The following XKR5 variants were observed in gnomAD, a reference collection of about 807,000 sequenced individuals.
XKR5 encodes the protein XK related 5.
A neutral mutation model predicts 40.8 loss-of-function variants in XKR5; 46 were observed. That is an observed-to-expected ratio of 1.13 (90% CI 0.89 to 1.44). The LOEUF (loss-of-function observed/expected upper bound fraction) is 1.44. Among genes scored for constraint, XKR5 ranks in the 40% most tolerant of loss-of-function variants. XKR5 has a pLI of 0.00. For synonymous variants in XKR5, 466 were observed against 356.1 expected (o/e 1.31, Z -3.48); for missense variants, 1,169 against 844.7 (o/e 1.38, Z -4.76).
chr8:6,820,795 C>T (rs1470575794), intron 5 of XKR5, among the ~76,000 whole-genome samples: 1 of 152,170 alleles, frequency 6.6e-6, no homozygotes, highest in East Asian at 1.9e-4. Flanking sequence ...GGTCACTGTG[C>T]TATATGGGTC....
chr8:6,835,437 C>G lies in XKR5; in HGVS notation c.57G>C (p.Ala19=), dbSNP rs79981623. 2.0e-6 allele frequency: 3 copies of G among 1,489,114 alleles called. No homozygotes were observed. The highest frequency in any genetic ancestry group is 2.7e-6 in the Non-Finnish European group (3 of 1,126,864). The allele number at this position is 1,489,114 out of a possible 1,614,324, so 92.2% of individuals were successfully genotyped here. A position where few individuals can be genotyped will look rare whatever the true frequency, so the allele number is the denominator to read the frequency against. Residue 19 remains alanine (A), a splice_region_variant and synonymous_variant, in exon 1 of 7, where the codon GCG becomes GCC. Transcript: ENST00000618742. ...ACAGCCTCGGGCTGCCGCACTCACG[C>G]GCGCTCTGCTCGGCCGCCTGCAGCA... ...SALLQAAEQS[A]RLYTVAYYFT...
chr8:6,811,374 G>T lies in XKR5; in HGVS notation c.1885C>A (p.Pro629Thr). 1.3e-6 allele frequency: 2 copies of T among 1,537,342 alleles called. No homozygotes were observed. Among genetic ancestry groups the T allele is most frequent in the African/African-American group, 1.4e-5 (1 of 73,176 alleles). ...CTTAGCTCCCTTTTGGGCTCCAGCGGCTCCTCTAGCTCTGAGATACTGAGG... is the reference window on the plus strand; with the variant it reads ...CTTAGCTCCCTTTTGGGCTCCAGCGTCTCCTCTAGCTCTGAGATACTGAGG... ...RTLSISELEE[P>T]LEPKRELSHH... Residue 629 changes from proline to threonine, a missense_variant, in exon 7 of 7, where the codon CCG becomes ACG. Coordinates refer to ENST00000618742, the MANE Select transcript of XKR5 (RefSeq NM_207411.5).
At chr8:6,822,736 C>T (rs565800091) in intron 4 of XKR5, among the ~76,000 whole-genome samples, 3 of 152,300 alleles carry the variant, frequency 2.0e-5, no homozygotes, top group East Asian at 3.9e-4. Context: ...CACACAGGCC[C>T]TATTCAGGGA....
chr8:6,813,216 G>T (rs527829783), intron 6 of XKR5, among the ~76,000 whole-genome samples: 2 of 152,214 alleles, frequency 1.3e-5, no homozygotes, highest in Non-Finnish European at 2.9e-5. Context: ...TAGTGGCCAG[G>T]CTCCAACCTT....
intron 1 of XKR5, among the ~76,000 whole-genome samples, chr8:6,833,900 T>G (rs1804881451): frequency 6.6e-6 from 1 of 152,236 alleles, no homozygotes; most frequent in Non-Finnish European, 1.5e-5. Context: ...TAGCATCTTG[T>G]GCATCCTCGA....
At chr8:6,821,683 T>G (rs10094139) in intron 5 of XKR5, among the ~76,000 whole-genome samples, 186 bp downstream of exon 5, 1,618 of 152,270 alleles carry the variant, frequency 0.011, 19 homozygotes, top group African/African-American at 0.036. Context: ...GGGTTACTAT[T>G]TTCAAAGCCT....
intron 2 of XKR5, among the ~76,000 whole-genome samples, chr8:6,826,248 G>C (rs28756109): frequency 0.022 from 3,282 of 152,194 alleles, 121 homozygotes; most frequent in African/African-American, 0.073. Flanking sequence ...TAGTGTGTAT[G>C]TTTATATATG....
chr8:6,834,667 AC>A (rs1379567755), intron 1 of XKR5, among the ~76,000 whole-genome samples: 2 of 151,552 alleles, frequency 1.3e-5, no homozygotes, highest in East Asian at 1.9e-4. Flanking sequence ...TTCCCAGGGT[AC>A]CCCCTCTTCC....
In XKR5 at chr8:6,821,874, A is replaced by G. The variant is rs1307756745; in HGVS notation, c.802T>C (p.Tyr268His). The change falls in exon 5 of 7, where the codon TAC becomes CAC. Residue 268 changes from tyrosine to histidine, a missense_variant. Coordinates refer to ENST00000618742, the MANE Select transcript of XKR5 (RefSeq NM_207411.5). Reference sequence around the variant, plus strand: ...TAAAGAAAAGTGCCACTTGCCATGTAGAACGTGACCATCCTATTTCTAGAA... The same window carrying G: ...TAAAGAAAAGTGCCACTTGCCATGTGGAACGTGACCATCCTATTTCTAGAA... ...SPSRNRMVTF[Y>H]MVMLLENIIL... 3.1e-6 allele frequency: 5 copies of G among 1,613,098 alleles called. No individual in the cohort carries two copies. The highest frequency in any genetic ancestry group is 3.4e-6 in the Non-Finnish European group (4 of 1,179,570).
intron 1 of XKR5, 74 bp from the exon 2 acceptor site, chr8:6,832,974 C>G: frequency 1.5e-6 from 2 of 1,311,622 alleles, no homozygotes; most frequent in Non-Finnish European, 2.0e-6. Context: ...TTTTAAACAA[C>G]TGAACATTTT....
At chr8:6,821,782 A>G in intron 5 of XKR5, 87 bp downstream of exon 5, 1 of 1,207,656 alleles carries the variant, frequency 8.3e-7, no homozygotes. Flanking sequence ...ATTGGTGCAC[A>G]CACACACACA....
In XKR5 at chr8:6,823,453, T is replaced by C. The variant is rs930445721; in HGVS notation, c.637+68A>G. On this transcript the variant is annotated intron_variant, in intron 4 of 6. Coordinates refer to ENST00000618742, the MANE Select transcript of XKR5 (RefSeq NM_207411.5). ...GATTGAGGATCATATGTGGTTATTC[T>C]TGAGACCTTCATTTCTGGGTTGATT... The C allele has an allele frequency of 1.2e-5, 18 of 1,496,750 alleles. No individual in the cohort carries two copies. The African/African-American group carries it at 1.4e-4, about 12-fold the overall frequency. 92.7% of individuals were successfully genotyped at this position (1,496,750 alleles called of 1,614,324 possible).
intron 6 of XKR5, among the ~76,000 whole-genome samples, chr8:6,815,376 A>T (rs1287494169): frequency 2.6e-5 from 4 of 151,912 alleles, no homozygotes; most frequent in Admixed American, 6.5e-5. Context: ...TCTTTCGGGG[A>T]CTCAACCTCC....
At chr8:6,821,320 A>C (rs1389807647) in intron 5 of XKR5, among the ~76,000 whole-genome samples, 1 of 152,186 alleles carries the variant, frequency 6.6e-6, no homozygotes, top group Non-Finnish European at 1.5e-5. Flanking sequence ...TGAGTCCCAG[A>C]CATTTTTTTC....
intron 2 of XKR5, among the ~76,000 whole-genome samples, chr8:6,828,539 A>T (rs1587195653): frequency 6.6e-6 from 1 of 152,306 alleles, no homozygotes; most frequent in East Asian, 1.9e-4. Context: ...AGACCCCTGG[A>T]CAGCCACTAG....
At chr8:6,832,039 A>T (rs1463275938) in intron 2 of XKR5, among the ~76,000 whole-genome samples, 1 of 135,846 alleles carries the variant, frequency 7.4e-6, no homozygotes, top group African/African-American at 2.8e-5. Context: ...AAAAAAACAA[A>T]CCTAACAACC....
intron 3 of XKR5, among the ~76,000 whole-genome samples, chr8:6,824,514 G>A (rs2117103211): frequency 6.6e-6 from 1 of 152,242 alleles, no homozygotes; most frequent in South Asian, 2.1e-4. Flanking sequence ...TAAGCCTCTG[G>A]CTTTGTTAAG....
chr8:6,811,692 G>T lies in XKR5; in HGVS notation c.1567C>A (p.Gln523Lys). ...TGCTGCCCACCTGTCCCCTTCCCCT[G>T]TGTCCCAGAAACAGCGTCAGCTCCT... ...KEGADAVSGT[Q>K]GKGTGGQQRG... Residue 523 changes from glutamine (Q) to lysine (K), a missense_variant, in exon 7 of 7, where the codon CAG becomes AAG. Coordinates refer to ENST00000618742, the MANE Select transcript of XKR5 (RefSeq NM_207411.5). 6.5e-7 allele frequency: 1 copy of T among 1,537,728 alleles called. No homozygotes were observed. The highest frequency in any genetic ancestry group is 2.4e-5 in the East Asian group (1 of 40,932).
At position 6,811,657 on chromosome 8, in the gene XKR5, C is replaced by G; in HGVS notation, c.1602G>C (p.Gly534=). ...ACAACGTGGAACTCTGCTGTCCTTC[C>G]CCTCCTCTCTGCTGCCCACCTGTCC... ...GKGTGGQQRG[G]EGQQSSTLYF... is the part of the protein sequence containing the mutation. Residue 534 remains glycine (G), a synonymous_variant, in exon 7 of 7, where the codon GGG becomes GGC. Transcript: ENST00000618742. 6.5e-7 allele frequency: 1 copy of G among 1,537,618 alleles called. No individual in the cohort carries two copies. Among genetic ancestry groups the G allele is most frequent in the Non-Finnish European group, 8.7e-7 (1 of 1,147,014 alleles).
Sources: allele counts gnomAD v4.1 joint callset (sites outside exome capture counted in the v4.1 genomes callset), GRCh38; gene constraint gnomAD v4.1.1; transcripts MANE v1.5; gene names NCBI Gene and HGNC (gene_info 2026-07-23, HGNC 2026-07-21).